The following EIF4G3 variants were observed in gnomAD, a reference collection of about 807,000 sequenced individuals.
EIF4G3 encodes eukaryotic translation initiation factor 4 gamma 3.
In EIF4G3, 34 loss-of-function variants were observed where a neutral mutation model predicts 186.4. The ratio of observed to expected loss-of-function variants is 0.18; its 90% confidence interval spans 0.14 to 0.24. EIF4G3 has a LOEUF of 0.24. Among genes scored for constraint, EIF4G3 ranks in the 10% least tolerant of loss-of-function variants. The pLI, the probability that EIF4G3 is intolerant of heterozygous loss-of-function variation, is 1.00. For missense variants in EIF4G3, 1,536 were observed against 1,948.5 expected (o/e 0.79, Z 3.99); for synonymous variants, 673 against 679.5 (o/e 0.99, Z 0.15).
At chr1:20,959,352 G>A (rs767259580) in intron 12 of EIF4G3, among the ~76,000 whole-genome samples, 6 of 151,842 alleles carry the variant, frequency 4.0e-5, no homozygotes, top group Non-Finnish European at 8.8e-5. Context: ...AGAATGAAAC[G>A]ATCCCTATTT....
At chr1:20,898,274 G>A (rs1383911643) in intron 16 of EIF4G3, among the ~76,000 whole-genome samples, 3 of 152,120 alleles carry the variant, frequency 2.0e-5, no homozygotes, top group Non-Finnish European at 2.9e-5. Context: ...AGGACTGCTT[G>A]AGCACAAGAG....
chr1:20,953,689 A>G (rs1391444007), intron 12 of EIF4G3, among the ~76,000 whole-genome samples: 1 of 152,198 alleles, frequency 6.6e-6, no homozygotes, highest in East Asian at 1.9e-4. Context: ...CATAAATGAC[A>G]GAATACTTAA....
At chr1:20,963,460 TTTAG>T (rs146656065) in intron 12 of EIF4G3, among the ~76,000 whole-genome samples, 75,314 of 151,316 alleles carry the variant, frequency 0.5, 19,443 homozygotes, top group East Asian at 0.76. Context: ...ACCTGCTGAC[TTTAG>T]TAATTTTCCC....
intron 2 of EIF4G3, among the ~76,000 whole-genome samples, chr1:21,137,815 CAAA>C (rs201685410): frequency 4.8e-5 from 5 of 103,156 alleles, no homozygotes; most frequent in Admixed American, 2.1e-4. Flanking sequence ...GACCCTGTCT[CAAA>C]AAAAAAAAAA....
At chr1:20,856,674 G>A (rs1290216034) in intron 25 of EIF4G3, among the ~76,000 whole-genome samples, 5 of 152,222 alleles carry the variant, frequency 3.3e-5, no homozygotes, top group Admixed American at 6.5e-5. Flanking sequence ...TTTCCTTTAC[G>A]CCTTGGATAA....
intron 18 of EIF4G3, among the ~76,000 whole-genome samples, chr1:20,892,361 C>A (rs890099581): frequency 2.6e-5 from 4 of 152,184 alleles, no homozygotes; most frequent in Non-Finnish European, 4.4e-5. Context: ...GTCTACAAAG[C>A]ATGGAGTAGG....
intron 32 of EIF4G3, 46 bp from the exon 33 acceptor site, chr1:20,825,244 AGAAACAG>A: frequency 2.1e-6 from 2 of 960,324 alleles, no homozygotes; most frequent in Non-Finnish European, 3.1e-6. Context: ...CAGTGGAAGA[AGAAACAG>A]AAAAAAAAAA....
chr1:21,048,789 C>T (rs1265736170), intron 4 of EIF4G3, among the ~76,000 whole-genome samples: 1 of 152,124 alleles, frequency 6.6e-6, no homozygotes, highest in Non-Finnish European at 1.5e-5. Flanking sequence ...CCACACCGTG[C>T]CCTCTCCAAC....
intron 34 of EIF4G3, among the ~76,000 whole-genome samples, chr1:20,817,052 G>C (rs1443663167): frequency 1.0e-3 from 144 of 139,536 alleles, no homozygotes; most frequent in African/African-American, 3.2e-3. Context: ...CAGCATGCTC[G>C]TTAAGAGTCA....
chr1:20,847,310 A>G (rs997367337), intron 29 of EIF4G3, among the ~76,000 whole-genome samples: 3 of 152,228 alleles, frequency 2.0e-5, no homozygotes, highest in African/African-American at 7.2e-5. Flanking sequence ...TGTTTTAACC[A>G]TATTGCAGGC....
intron 14 of EIF4G3, among the ~76,000 whole-genome samples, chr1:20,922,275 T>A (rs2094537124): frequency 6.6e-6 from 1 of 152,190 alleles, no homozygotes; most frequent in Admixed American, 6.5e-5. Context: ...TTCACTTGCA[T>A]GAGAATGATT....
chr1:20,841,161 A>G (rs1164182015), intron 29 of EIF4G3, 133 bp from the exon 30 acceptor site: 1 of 831,248 alleles, frequency 1.2e-6, no homozygotes, highest in Non-Finnish European at 1.8e-6. Context: ...TTCAAATATA[A>G]GTTTATATTT....
At chr1:20,910,785 T>C (rs1293310659) in intron 14 of EIF4G3, among the ~76,000 whole-genome samples, 1 of 152,120 alleles carries the variant, frequency 6.6e-6, no homozygotes, top group Admixed American at 6.6e-5. Flanking sequence ...AGAGAGTAGG[T>C]TAAGGTTAAA....
At position 21,154,518 on chromosome 1, in the gene EIF4G3, C is replaced by A. The variant is rs182710253; in HGVS notation, c.-272+21657G>T. On this transcript the variant is annotated intron_variant, in intron 2 of 36. Transcript: ENST00000602326. Reference sequence around the variant, plus strand: ...CAAAAGTAGTTGAACTTTAAGAATCCTTCTGTCATAAGTAGCCTCCGCTCC... The same window carrying A: ...CAAAAGTAGTTGAACTTTAAGAATCATTCTGTCATAAGTAGCCTCCGCTCC... Among the ~76,000 whole-genome samples the A allele has an allele frequency of 2.0e-5, 3 of 152,248 alleles. No homozygotes were observed. The East Asian group carries it at 5.8e-4, about 29-fold the overall frequency.
intron 2 of EIF4G3, chr1:21,175,578 C>T (rs1216597249): frequency 6.6e-6 from 1 of 152,138 alleles, no homozygotes; most frequent in African/African-American, 2.4e-5. Flanking sequence ...TACCACAAAC[C>T]ACATCACAAC....
intron 2 of EIF4G3, among the ~76,000 whole-genome samples, chr1:21,098,702 G>C (rs1423377552): frequency 1.3e-5 from 2 of 152,148 alleles, no homozygotes; most frequent in African/African-American, 4.8e-5. Context: ...CCACACTGGA[G>C]TGCAGTTGCA....
chr1:20,864,735 A>T (rs769068639), intron 21 of EIF4G3, 23 bp from the exon 22 acceptor site: 1 of 1,580,214 alleles, frequency 6.3e-7, no homozygotes, highest in Non-Finnish European at 8.7e-7. Context: ...GAGGAATAAT[A>T]GCATCTTGAT....
At chr1:20,997,393 C>T (rs1272555650) in intron 7 of EIF4G3, among the ~76,000 whole-genome samples, 1 of 151,498 alleles carries the variant, frequency 6.6e-6, no homozygotes, top group Non-Finnish European at 1.5e-5. Flanking sequence ...TTTAAATGTG[C>T]CATAAACAGA....
At chr1:21,167,373 G>C (rs571745145) in intron 2 of EIF4G3, among the ~76,000 whole-genome samples, 1 of 152,074 alleles carries the variant, frequency 6.6e-6, no homozygotes, top group African/African-American at 2.4e-5. Flanking sequence ...AACACTTCCT[G>C]AAAACCAACT....
Sources: allele counts gnomAD v4.1 joint callset (sites outside exome capture counted in the v4.1 genomes callset), GRCh38; gene constraint gnomAD v4.1.1; transcripts MANE v1.5; gene names NCBI Gene and HGNC (gene_info 2026-07-23, HGNC 2026-07-21).